EPYC: variants seen among roughly 807,000 people sequenced by gnomAD.
EPYC encodes dermatan sulfate proteoglycan 3.
A neutral mutation model predicts 30.1 loss-of-function variants in EPYC; 28 were observed. That is an observed-to-expected ratio of 0.93 (90% confidence interval 0.69 to 1.28). The LOEUF (loss-of-function observed/expected upper bound fraction) is 1.28. Among genes scored for constraint, EPYC ranks in the 50% most tolerant of loss-of-function variants. The pLI is 0.00. For missense variants in EPYC, 382 were observed against 383.5 expected (o/e 1.00, Z 0.03); for synonymous variants, 144 against 141.4 (o/e 1.02, Z -0.13).
chr12:90,997,219 T>G (rs1049493312), intron 2 of EPYC, among the ~76,000 whole-genome samples: 1 of 152,082 alleles, frequency 6.6e-6, no homozygotes, highest in African/African-American at 2.4e-5. Flanking sequence ...CACTTTGTAG[T>G]ATAACATTTC....
chr12:90,996,368 C>T (rs979020312), intron 2 of EPYC, among the ~76,000 whole-genome samples: 1 of 151,708 alleles, frequency 6.6e-6, no homozygotes, highest in African/African-American at 2.4e-5. Context: ...AAGTTATTAT[C>T]TATTTATTTT....
At chr12:90,988,864 A>G (rs539978341) in intron 2 of EPYC, among the ~76,000 whole-genome samples, 3 of 152,204 alleles carry the variant, frequency 2.0e-5, no homozygotes, top group African/African-American at 7.2e-5. Flanking sequence ...TGAGACTTCA[A>G]GGTCCACTGG....
At chr12:90,976,129 G>A (rs1239619332) in intron 3 of EPYC, among the ~76,000 whole-genome samples, 3 of 152,084 alleles carry the variant, frequency 2.0e-5, no homozygotes, top group Non-Finnish European at 2.9e-5. Flanking sequence ...TTGAAGAACA[G>A]TTAAAAACTC....
intron 6 of EPYC, among the ~76,000 whole-genome samples, chr12:90,965,896 G>A (rs7964596): frequency 0.72 from 109,469 of 151,774 alleles, 41,377 homozygotes; most frequent in Non-Finnish European, 0.83. Context: ...TTATAAACAG[G>A]ATTGTTTTCT....
chr12:90,999,939 A>C (rs1877785060), intron 2 of EPYC, among the ~76,000 whole-genome samples: 1 of 151,964 alleles, frequency 6.6e-6, no homozygotes, highest in Non-Finnish European at 1.5e-5. Flanking sequence ...TTTTTCTTAG[A>C]TAATGGATGA....
chr12:91,003,547 G>A (rs1877880002), intron 1 of EPYC, among the ~76,000 whole-genome samples: 1 of 151,456 alleles, frequency 6.6e-6, no homozygotes, highest in African/African-American at 2.4e-5. Flanking sequence ...TATTTTTTTA[G>A]TTCTGTATGT....
chr12:91,000,517 G>A (rs1877797931), intron 2 of EPYC, among the ~76,000 whole-genome samples: 1 of 151,980 alleles, frequency 6.6e-6, no homozygotes, highest in African/African-American at 2.4e-5. Flanking sequence ...GGTAAGGAAT[G>A]GGTTAAAAGA....
intron 3 of EPYC, among the ~76,000 whole-genome samples, chr12:90,976,950 C>T: frequency 6.6e-6 from 1 of 152,182 alleles, no homozygotes; most frequent in South Asian, 2.1e-4. Flanking sequence ...GCCTCCTCAG[C>T]CATGTGGAAC....
chr12:90,981,504 T>C (rs1445930860), intron 2 of EPYC, among the ~76,000 whole-genome samples: 1 of 152,122 alleles, frequency 6.6e-6, no homozygotes, highest in Non-Finnish European at 1.5e-5. Flanking sequence ...CCACAGAAAA[T>C]TATCTCTGTA....
intron 2 of EPYC, among the ~76,000 whole-genome samples, chr12:90,990,310 A>G (rs1877552407): frequency 6.6e-6 from 1 of 152,112 alleles, no homozygotes; most frequent in South Asian, 2.1e-4. Context: ...ACTAGTATTT[A>G]TACATAATGA....
Position 90,971,929 on chromosome 12 carries a change from A to T in EPYC, c.573T>A (p.Pro191=). 6.2e-7 allele frequency: 1 copy of T among 1,611,644 alleles called. No individual in the cohort carries two copies. The highest frequency in any genetic ancestry group is 2.2e-5 in the East Asian group (1 of 44,724). The change falls in exon 5 of 7, where the codon CCT becomes CCA. Residue 191 remains proline, a synonymous_variant. Coordinates refer to ENST00000261172, the MANE Select transcript of EPYC (RefSeq NM_004950.5). ...CACGCAGGACAAGCTCTCGAAGTTG[A>T]GGCAGTTTTCGGAATGCATCTTCAT... ...EIDEDAFRKL[P]QLRELVLRDN...
chr12:90,975,686 C>G (rs1035746727), intron 3 of EPYC, among the ~76,000 whole-genome samples: 2 of 152,038 alleles, frequency 1.3e-5, no homozygotes, highest in East Asian at 3.9e-4. Context: ...CATACAGGTA[C>G]TGATACAAGA....
Position 90,964,130 on chromosome 12 carries a change from A to G in EPYC, c.*26T>C, listed in dbSNP as rs202019480. 2 of 1,591,150 alleles carry G rather than the reference A, an allele frequency of 1.3e-6. No homozygotes were observed. The highest frequency in any genetic ancestry group is 3.4e-5 in the Admixed American group (2 of 59,050). On this transcript the variant is annotated 3_prime_UTR_variant, in exon 7 of 7. Coordinates refer to ENST00000261172, the MANE Select transcript of EPYC (RefSeq NM_004950.5). ...TAAGAATGGTTTATTTATAGTAGCC[A>G]TCGTAATGCTAACCATTATCTGAAA...
At chr12:90,990,015 A>G (rs1203472897) in intron 2 of EPYC, among the ~76,000 whole-genome samples, 1 of 152,054 alleles carries the variant, frequency 6.6e-6, no homozygotes, top group Non-Finnish European at 1.5e-5. Flanking sequence ...GGATGCCAGA[A>G]AGACAATTTA....
intron 2 of EPYC, among the ~76,000 whole-genome samples, chr12:90,995,129 T>C (rs1447191492): frequency 6.6e-6 from 1 of 152,108 alleles, no homozygotes; most frequent in Admixed American, 6.6e-5. Flanking sequence ...CTACATTAAT[T>C]ATCTAAAAGA....
At chr12:90,976,059 A>C (rs1877170208) in intron 3 of EPYC, among the ~76,000 whole-genome samples, 1 of 152,124 alleles carries the variant, frequency 6.6e-6, no homozygotes, top group African/African-American at 2.4e-5. Context: ...TAGATAAAAC[A>C]ATTCAAGTGT....
rs1320920699 is a variant in EPYC at position 90,993,385 on chromosome 12, C to A, written c.165+9016G>T. Reference sequence around the variant, plus strand: ...TCATGCATTAAATTTAGGGGGTACACCTCGCCTTTATCAACATAAAATAGA... The same window carrying A: ...TCATGCATTAAATTTAGGGGGTACAACTCGCCTTTATCAACATAAAATAGA... On this transcript the variant is annotated intron_variant, in intron 2 of 6. Transcript: ENST00000261172. Among the ~76,000 whole-genome samples the A allele has an allele frequency of 2.6e-5, 4 of 152,142 alleles. No individual in the cohort carries two copies. In the South Asian group the frequency reaches 8.3e-4, roughly 32 times the overall value.
At chr12:90,965,147 T>A (rs775902409) in intron 6 of EPYC, among the ~76,000 whole-genome samples, 1 of 152,204 alleles carries the variant, frequency 6.6e-6, no homozygotes, top group Non-Finnish European at 1.5e-5. Context: ...CTTAGTATTG[T>A]GTTTTCAAAG....
intron 6 of EPYC, among the ~76,000 whole-genome samples, chr12:90,967,635 G>A (rs1373676833): frequency 6.6e-6 from 1 of 152,098 alleles, no homozygotes; most frequent in Non-Finnish European, 1.5e-5. Context: ...TGTTGTCCAA[G>A]TTTTCTATTT....
Sources: allele counts gnomAD v4.1 joint callset (sites outside exome capture counted in the v4.1 genomes callset), GRCh38; gene constraint gnomAD v4.1.1; transcripts MANE v1.5; gene names NCBI Gene and HGNC (gene_info 2026-07-23, HGNC 2026-07-21).